The following MPPED2 variants were observed in gnomAD, a reference collection of about 807,000 sequenced individuals.
MPPED2 encodes metallophosphoesterase domain containing 2.
Under a neutral mutation model 33.0 loss-of-function variants are expected in MPPED2, and 5 were observed. That is an observed-to-expected ratio of 0.15 (90% CI 0.08 to 0.32). The LOEUF (loss-of-function observed/expected upper bound fraction) is 0.32. MPPED2 is among the 10% of genes least tolerant of loss of function. The pLI is 1.00. For missense variants in MPPED2, 275 were observed against 372.1 expected, an observed-to-expected ratio of 0.74 and a Z score of 2.15; for synonymous variants, 136 against 141.9, an observed-to-expected ratio of 0.96 and a Z score of 0.29.
At chr11:30,411,673 T>A (rs1948111235) in intron 6 of MPPED2, 87 bp from the exon 7 acceptor site, 4 of 1,152,600 alleles carry the variant, frequency 3.5e-6, no homozygotes, top group South Asian at 2.3e-5. Context: ...AAACAAAAAA[T>A]TTTTGTCAGT....
At chr11:30,516,850 G>A (rs771750558) in intron 3 of MPPED2, among the ~76,000 whole-genome samples, 1 of 152,054 alleles carries the variant, frequency 6.6e-6, no homozygotes, top group Non-Finnish European at 1.5e-5. Context: ...AAAACAAGGA[G>A]GCATTCAATT....
intron 4 of MPPED2, among the ~76,000 whole-genome samples, chr11:30,491,089 T>C (rs7103321): frequency 0.19 from 29,091 of 152,084 alleles, 2,890 homozygotes; most frequent in East Asian, 0.28. Flanking sequence ...ATCTGTTGGG[T>C]TACTAAGCAG....
At chr11:30,491,719 G>C (rs1002686588) in intron 4 of MPPED2, among the ~76,000 whole-genome samples, 1 of 152,154 alleles carries the variant, frequency 6.6e-6, no homozygotes, top group East Asian at 1.9e-4. Flanking sequence ...CTCCTCCCTA[G>C]CACAGAAATG....
intron 3 of MPPED2, among the ~76,000 whole-genome samples, chr11:30,521,504 G>A (rs530352854): frequency 1.3e-5 from 2 of 152,126 alleles, no homozygotes; most frequent in Non-Finnish European, 2.9e-5. Flanking sequence ...GGTTATCAAG[G>A]CTCTTTGGAT....
chr11:30,479,709 T>G, intron 4 of MPPED2, among the ~76,000 whole-genome samples: 1 of 152,274 alleles, frequency 6.6e-6, no homozygotes, highest in East Asian at 1.9e-4. Flanking sequence ...AAATTTTATG[T>G]ATTTTTCCTA....
chr11:30,416,500 T>C (rs1948365668), intron 5 of MPPED2, among the ~76,000 whole-genome samples: 1 of 152,206 alleles, frequency 6.6e-6, no homozygotes. Context: ...GGATAAAAAC[T>C]CCAAACCACA....
chr11:30,489,922 T>TTC lies in MPPED2; in HGVS notation c.536+5373_536+5374insGA, dbSNP rs397721303. Among the ~76,000 whole-genome samples the TTC allele has an allele frequency of 2.0e-5, 3 of 151,982 alleles. No homozygotes were observed. In the East Asian group the frequency reaches 5.8e-4, roughly 29 times the overall value. On this transcript the variant is annotated intron_variant, in intron 4 of 6. Coordinates refer to ENST00000358117, the MANE Select transcript of MPPED2 (RefSeq NM_001584.3). ...AATTAGTATGTGGATTTTTTTTTTT[T>TTC]CTGCACAGTATCTTAGTATCAAAAC... is the stretch of plus-strand genomic sequence containing the variant.
intron 6 of MPPED2, among the ~76,000 whole-genome samples, chr11:30,403,103 C>T (rs567756170): frequency 2.0e-4 from 30 of 152,114 alleles, no homozygotes; most frequent in Non-Finnish European, 4.1e-4. Flanking sequence ...AAAAATTAGC[C>T]GGGCATGGTG....
At chr11:30,541,645 T>C (rs1360487148) in intron 2 of MPPED2, among the ~76,000 whole-genome samples, 1 of 152,208 alleles carries the variant, frequency 6.6e-6, no homozygotes, top group Non-Finnish European at 1.5e-5. Context: ...TAAACTCAAG[T>C]ACAGTGGCAT....
At chr11:30,553,272 G>A (rs1955802485) in intron 2 of MPPED2, among the ~76,000 whole-genome samples, 1 of 152,116 alleles carries the variant, frequency 6.6e-6, no homozygotes, top group Non-Finnish European at 1.5e-5. Flanking sequence ...GAAGGCAGAA[G>A]GGCAAGCATT....
At chr11:30,486,902 T>A (rs1951768401) in intron 4 of MPPED2, among the ~76,000 whole-genome samples, 1 of 152,206 alleles carries the variant, frequency 6.6e-6, no homozygotes, top group South Asian at 2.1e-4. Context: ...CCTGATCTTG[T>A]ATTGGAAATA....
chr11:30,462,354 GA>G (rs1211615088), intron 4 of MPPED2, among the ~76,000 whole-genome samples: 2 of 152,094 alleles, frequency 1.3e-5, no homozygotes, highest in Non-Finnish European at 2.9e-5. Flanking sequence ...GACACAGCTG[GA>G]AAGAGAGCAA....
chr11:30,503,217 C>T (rs1024761732), intron 3 of MPPED2, among the ~76,000 whole-genome samples: 4 of 152,022 alleles, frequency 2.6e-5, no homozygotes, highest in Non-Finnish European at 5.9e-5. Context: ...TGCTTGCTGC[C>T]GCCATGTGAA....
intron 6 of MPPED2, among the ~76,000 whole-genome samples, chr11:30,397,908 C>T (rs541034345): frequency 6.6e-6 from 1 of 152,222 alleles, no homozygotes; most frequent in East Asian, 1.9e-4. Flanking sequence ...GAACTGACAA[C>T]CTTGTAATTA....
At position 30,410,444 on chromosome 11, in the gene MPPED2, G is replaced by A. The variant is rs1011002241; in HGVS notation, c.*1024C>T. ...GACACACAGTGCAAAATGGGAGAGG[G>A]GAGAGGAAGTAAGAAGACAACTTGG... On this transcript the variant is annotated 3_prime_UTR_variant, in exon 7 of 7. Coordinates refer to ENST00000358117, the MANE Select transcript of MPPED2 (RefSeq NM_001584.3). 8 of 970,572 alleles carry A rather than the reference G, an allele frequency of 8.2e-6. No homozygotes were observed. In the South Asian group the frequency reaches 1.4e-4, roughly 17 times the overall value. 60.1% of individuals were successfully genotyped at this position (970,572 alleles called of 1,614,324 possible). A position where few individuals can be genotyped will look rare whatever the true frequency, so the allele number is the denominator to read the frequency against.
At chr11:30,401,258 C>T (rs954587099) in intron 6 of MPPED2, among the ~76,000 whole-genome samples, 10 of 152,148 alleles carry the variant, frequency 6.6e-5, no homozygotes, top group African/African-American at 2.4e-4. Flanking sequence ...TGGAAAGAAA[C>T]AGGCTTATTT....
intron 3 of MPPED2, among the ~76,000 whole-genome samples, chr11:30,519,005 G>A (rs188100990): frequency 6.6e-6 from 1 of 152,086 alleles, no homozygotes; most frequent in Non-Finnish European, 1.5e-5. Context: ...TCAGGGCCAG[G>A]CATGGTGGCT....
intron 4 of MPPED2, among the ~76,000 whole-genome samples, chr11:30,434,725 A>G (rs1949247299): frequency 6.6e-6 from 1 of 152,136 alleles, no homozygotes; most frequent in African/African-American, 2.4e-5. Context: ...GCACATAAGA[A>G]GCTCTCAGTA....
chr11:30,471,006 T>C (rs1038664890), intron 4 of MPPED2, among the ~76,000 whole-genome samples: 1 of 152,204 alleles, frequency 6.6e-6, no homozygotes, highest in African/African-American at 2.4e-5. Flanking sequence ...TTTCTCACAA[T>C]AGGGCTCCTT....
Sources: allele counts gnomAD v4.1 joint callset (sites outside exome capture counted in the v4.1 genomes callset), GRCh38; gene constraint gnomAD v4.1.1; transcripts MANE v1.5; gene names NCBI Gene and HGNC (gene_info 2026-07-23, HGNC 2026-07-21).